The following DAB1 variants were observed in gnomAD, a reference collection of about 807,000 sequenced individuals.
DAB1 encodes the protein disabled homolog 1.
In DAB1, 15 loss-of-function variants were observed where a neutral mutation model predicts 64.6. That is an observed-to-expected ratio of 0.23 (90% CI 0.16 to 0.36). DAB1 has a LOEUF of 0.36. DAB1 is among the 10% of genes least tolerant of loss of function. The pLI is 1.00. For synonymous variants in DAB1, 235 were observed against 251.9 expected (o/e 0.93, Z 0.64); for missense variants, 596 against 706.7 (o/e 0.84, Z 1.78).
rs2101590052 is a variant in DAB1, at chr1:56,995,518, A to T, written c.*2626T>A. 1 of 152,314 alleles carries T rather than the reference A, an allele frequency of 6.6e-6. No homozygotes were observed. Among genetic ancestry groups the T allele is most frequent in the East Asian group, 1.9e-4 (1 of 5,172 alleles). The allele number at this position is 152,314 out of a possible 1,614,324, so 9.4% of individuals were successfully genotyped here. ...CTTCTTGAAGTTCAGAGCCAGTTAC[A>T]TTTTCAATCATGTTCAATGAAAGAG... On this transcript the variant is annotated 3_prime_UTR_variant, in exon 15 of 15. Transcript: ENST00000371236.
At chr1:58,544,874 C>G (rs1278650369) in intron 1 of DAB1, among the ~76,000 whole-genome samples, 1 of 152,152 alleles carries the variant, frequency 6.6e-6, no homozygotes, top group African/African-American at 2.4e-5. Context: ...GATTATAGGC[C>G]TGAGCCACCG....
intron 3 of DAB1, among the ~76,000 whole-genome samples, chr1:58,397,131 G>A (rs897073089): frequency 6.6e-6 from 1 of 152,062 alleles, no homozygotes; most frequent in African/African-American, 2.4e-5. Flanking sequence ...TAAAGGGAGA[G>A]AGGGAGGGAG....
intron 5 of DAB1, among the ~76,000 whole-genome samples, chr1:58,085,958 CTTTTTTTT>C (rs911523306): frequency 3.0e-5 from 3 of 98,724 alleles, no homozygotes; most frequent in African/African-American, 9.0e-5. Flanking sequence ...ATCTCTCTCT[CTTTTTTTT>C]TTTTTTTTTT....
At chr1:57,729,450 T>C (rs1647317740) in intron 6 of DAB1, among the ~76,000 whole-genome samples, 1 of 152,208 alleles carries the variant, frequency 6.6e-6, no homozygotes, top group Non-Finnish European at 1.5e-5. Flanking sequence ...AGGAGGACTT[T>C]GGCCACAGCT....
chr1:58,436,232 G>T (rs747134289), intron 3 of DAB1, among the ~76,000 whole-genome samples: 2 of 152,036 alleles, frequency 1.3e-5, no homozygotes, highest in Non-Finnish European at 2.9e-5. Flanking sequence ...AAGTGGAGTG[G>T]CATGGAGTGC....
At chr1:57,630,046 T>C (rs1225325173) in intron 7 of DAB1, among the ~76,000 whole-genome samples, 2 of 152,142 alleles carry the variant, frequency 1.3e-5, no homozygotes, top group Non-Finnish European at 2.9e-5. Context: ...TCCAATTTCT[T>C]GAGATATCCC....
intron 5 of DAB1, among the ~76,000 whole-genome samples, chr1:57,908,746 C>T (rs1026581997): frequency 4.6e-5 from 7 of 152,154 alleles, no homozygotes; most frequent in South Asian, 4.1e-4. Flanking sequence ...CTCCCAGCTC[C>T]GGTCTGGCTG....
At chr1:57,870,454 A>G (rs1372273779) in intron 1 of DAB1, among the ~76,000 whole-genome samples, 1 of 152,168 alleles carries the variant, frequency 6.6e-6, no homozygotes, top group Non-Finnish European at 1.5e-5. Flanking sequence ...CTTAGGCATT[A>G]CATAGACTTG....
intron 5 of DAB1, among the ~76,000 whole-genome samples, chr1:58,134,805 G>A (rs961945791): frequency 1.3e-5 from 2 of 152,112 alleles, no homozygotes; most frequent in African/African-American, 4.8e-5. Context: ...TCCAACACTG[G>A]GGATTACAAT....
chr1:58,506,994 C>T (rs1027925463), intron 2 of DAB1, among the ~76,000 whole-genome samples: 2 of 151,932 alleles, frequency 1.3e-5, no homozygotes, highest in Non-Finnish European at 2.9e-5. Flanking sequence ...TGTATATGCA[C>T]AGAACATATC....
rs542112299 is a variant in DAB1, at chr1:58,276,739, T to A, written n.309+66613A>T. 1.4e-4 allele frequency among the ~76,000 whole-genome samples: 21 copies of A among 152,312 alleles called. No homozygotes were observed. The South Asian group carries it at 4.1e-3, about 30-fold the overall frequency. On this transcript the variant is annotated intron_variant and non_coding_transcript_variant, in intron 4 of 20. Transcript: ENST00000485760. ...GTCTCAATGACTTGAGAACTGGCTA[T>A]CTAGTGCATAAATTATCTAAGTCTT...
At chr1:57,289,392 C>T (rs1478216135) in intron 2 of DAB1, among the ~76,000 whole-genome samples, 2 of 152,146 alleles carry the variant, frequency 1.3e-5, no homozygotes, top group East Asian at 1.9e-4. Context: ...CTGGGCTCTG[C>T]GACCTCTTTT....
chr1:57,555,114 A>C (rs1487652741), intron 7 of DAB1, among the ~76,000 whole-genome samples: 2 of 131,194 alleles, frequency 1.5e-5, no homozygotes, highest in African/African-American at 2.9e-5. Flanking sequence ...GGCTCACTGT[A>C]ACCTCCACCT....
intron 5 of DAB1, among the ~76,000 whole-genome samples, chr1:58,105,004 C>G (rs193285096): frequency 6.6e-6 from 1 of 152,214 alleles, no homozygotes; most frequent in East Asian, 1.9e-4. Context: ...GTTTGTATTC[C>G]CATCGCTATG....
At chr1:57,746,023 AC>A (rs1281865541) in intron 6 of DAB1, among the ~76,000 whole-genome samples, 1 of 152,156 alleles carries the variant, frequency 6.6e-6, no homozygotes, top group Non-Finnish European at 1.5e-5. Flanking sequence ...TTCAGATCTC[AC>A]CATTAGTCTA....
At chr1:57,401,396 A>G (rs761689731) in intron 1 of DAB1, among the ~76,000 whole-genome samples, 1 of 152,234 alleles carries the variant, frequency 6.6e-6, no homozygotes. Flanking sequence ...ATGAAAAAAC[A>G]TATATGAAAA....
chr1:58,245,715 C>G (rs1299412930), intron 4 of DAB1, among the ~76,000 whole-genome samples: 1 of 152,084 alleles, frequency 6.6e-6, no homozygotes, highest in Non-Finnish European at 1.5e-5. Flanking sequence ...ATTACAACAC[C>G]AGTCACATCG....
intron 2 of DAB1, among the ~76,000 whole-genome samples, chr1:57,163,526 G>A (rs972508252): frequency 3.3e-5 from 5 of 152,004 alleles, no homozygotes; most frequent in Admixed American, 6.6e-5. Context: ...AAGGTAAGGA[G>A]GGCAGGTTTG....
At chr1:58,064,688 TTTATTTATGTATTTATTTATGTATTTATG>T (rs775217909) in intron 5 of DAB1, among the ~76,000 whole-genome samples, 21,930 of 151,904 alleles carry the variant, frequency 0.14, 1,752 homozygotes, top group East Asian at 0.31. Context: ...AATTTTTTTA[TTTATTTATGTATTTATTTATGTATTTATG>T]TATTTATTTA....
Sources: allele counts gnomAD v4.1 joint callset (sites outside exome capture counted in the v4.1 genomes callset), GRCh38; gene constraint gnomAD v4.1.1; transcripts MANE v1.5; gene names NCBI Gene and HGNC (gene_info 2026-07-23, HGNC 2026-07-21).